The following GBP6 variants were observed in gnomAD, a reference collection of about 807,000 sequenced individuals.
The protein encoded by GBP6 is guanylate binding protein family member 6, also known as guanylate-binding protein 6.
A neutral mutation model predicts 61.5 loss-of-function variants in GBP6; 54 were observed. The observed-to-expected ratio is 0.88, with a 90% CI of 0.71 to 1.10. The LOEUF (loss-of-function observed/expected upper bound fraction) is 1.10. Ranked by LOEUF, GBP6 falls within the 50% of genes least tolerant of loss-of-function variation. The pLI is 0.00. For missense variants in GBP6, 748 were observed against 752.8 expected (o/e 0.99, Z 0.07); for synonymous variants, 255 against 273.7 (o/e 0.93, Z 0.67).
intron 1 of GBP6, among the ~76,000 whole-genome samples, chr1:89,366,352 G>T (rs1269267113): frequency 6.6e-6 from 1 of 152,116 alleles, no homozygotes; most frequent in African/African-American, 2.4e-5. Context: ...GAATTCTTTA[G>T]ATTCTGGACA....
At position 89,388,045 on chromosome 1, in the gene GBP6, G is replaced by A. The variant is rs1014411838; in HGVS notation, c.*2576G>A. ...TGTCCTACAGTCTCTGTGAAACTGG[G>A]CCAAAGATAGAATTTTTTTTTCTGT... On this transcript the variant is annotated 3_prime_UTR_variant, in exon 11 of 11. Coordinates refer to ENST00000370456, the MANE Select transcript of GBP6 (RefSeq NM_198460.3). 6.6e-6 allele frequency among the ~76,000 whole-genome samples: 1 copy of A among 152,140 alleles called. No individual in the cohort carries two copies. Among genetic ancestry groups the A allele is most frequent in the Non-Finnish European group, 1.5e-5 (1 of 68,026 alleles).
intron 3 of GBP6, among the ~76,000 whole-genome samples, chr1:89,377,412 C>A (rs1652836950): frequency 2.6e-5 from 4 of 152,128 alleles, no homozygotes; most frequent in South Asian, 2.1e-4. Flanking sequence ...TTTTAACATT[C>A]AGCTCGTGAC....
rs1005746559 is a variant in GBP6, at chr1:89,386,333, C to T, written c.*864C>T. On this transcript the variant is annotated 3_prime_UTR_variant, in exon 11 of 11. Coordinates refer to ENST00000370456, the MANE Select transcript of GBP6 (RefSeq NM_198460.3). Reference sequence around the variant, plus strand: ...AGTGAATGTAGGGGTTGAAGGAACACATACTCTTCACTTTATACTCTTGAA... The same window carrying T: ...AGTGAATGTAGGGGTTGAAGGAACATATACTCTTCACTTTATACTCTTGAA... 2 of 152,172 alleles carry T rather than the reference C, an allele frequency of 1.3e-5. No individual in the cohort carries two copies. 9.4% of individuals were successfully genotyped at this position (152,172 alleles called of 1,614,324 possible).
Position 89,365,743 on chromosome 1 carries a change from C to T in GBP6, c.-24+1616C>T, listed in dbSNP as rs115389882. On this transcript the variant is annotated intron_variant, in intron 1 of 10. Coordinates refer to ENST00000370456, the MANE Select transcript of GBP6 (RefSeq NM_198460.3). Reference sequence around the variant, plus strand: ...TGTCTCGTTTTATTATCAAAACACCCTCCAGGTTGGATGTATGATTTAACT... The same window carrying T: ...TGTCTCGTTTTATTATCAAAACACCTTCCAGGTTGGATGTATGATTTAACT... Among the ~76,000 whole-genome samples the T allele has an allele frequency of 1.5e-3, 224 of 152,248 alleles. 1 individual carries two copies. Among genetic ancestry groups the T allele is most frequent in the African/African-American group, 5.3e-3 (220 of 41,544 alleles).
intron 2 of GBP6, among the ~76,000 whole-genome samples, chr1:89,368,968 C>A (rs895344700): frequency 6.6e-6 from 1 of 152,186 alleles, no homozygotes; most frequent in East Asian, 1.9e-4. Context: ...CAGAATCCTA[C>A]CTTCCCTTGT....
At chr1:89,378,828 G>A (rs932813489) in intron 5 of GBP6, among the ~76,000 whole-genome samples, 3 of 152,178 alleles carry the variant, frequency 2.0e-5, no homozygotes, top group African/African-American at 7.2e-5. Context: ...AGACAGATTT[G>A]TTCTTTGTAC....
intron 3 of GBP6, among the ~76,000 whole-genome samples, chr1:89,370,727 G>C (rs1033843366): frequency 1.3e-5 from 2 of 152,000 alleles, no homozygotes; most frequent in African/African-American, 4.8e-5. Context: ...TTAATGTTTT[G>C]GTATGTGTAT....
At chr1:89,364,624 T>C (rs868532377) in intron 1 of GBP6, among the ~76,000 whole-genome samples, 36 of 120,680 alleles carry the variant, frequency 3.0e-4, no homozygotes, top group African/African-American at 1.1e-3. Flanking sequence ...ACTCTGTGTG[T>C]GCGTGTGTGT....
At chr1:89,384,556 T>A (rs6662763) in intron 10 of GBP6, among the ~76,000 whole-genome samples, 100,965 of 152,040 alleles carry the variant, frequency 0.66, 34,883 homozygotes, top group Non-Finnish European at 0.77. Flanking sequence ...GAAGCTGCTG[T>A]TTTGGGAGAT....
chr1:89,381,810 G>A lies in GBP6; in HGVS notation c.988G>A (p.Ala330Thr), dbSNP rs914928167. 2 of 1,613,944 alleles carry A rather than the reference G, an allele frequency of 1.2e-6. No homozygotes were observed. Among genetic ancestry groups the A allele is most frequent in the Admixed American group, 1.7e-5 (1 of 59,990 alleles). Residue 330 changes from alanine to threonine, a missense_variant, in exon 7 of 11, where the codon GCA (alanine) becomes ACA (threonine). Coordinates refer to ENST00000370456, the MANE Select transcript of GBP6 (RefSeq NM_198460.3). ...QRENSAAVQR[A>T]ADYYSQQMAQ... ...TGAGAACTCAGCGGCCGTGCAGAGG[G>A]CAGCTGACTACTACAGCCAGCAGAT...
At position 89,371,207 on chromosome 1, in the gene GBP6, T is replaced by C. The variant is rs1652628554; in HGVS notation, c.318+1534T>C. Among the ~76,000 whole-genome samples the C allele has an allele frequency of 3.3e-5, 5 of 152,322 alleles. No individual in the cohort carries two copies. The South Asian group carries it at 1.0e-3, about 32-fold the overall frequency. ...TGAGATTGAATATATATAGACGGATTCGCAGCTGAATTCTACCAGAGGTAC... is the reference window on the plus strand; with the variant it reads ...TGAGATTGAATATATATAGACGGATCCGCAGCTGAATTCTACCAGAGGTAC... On this transcript the variant is annotated intron_variant, in intron 3 of 10. Coordinates refer to ENST00000370456, the MANE Select transcript of GBP6 (RefSeq NM_198460.3).
intron 6 of GBP6, 25 bp from the exon 7 acceptor site, chr1:89,381,669 C>A: frequency 6.4e-7 from 1 of 1,572,954 alleles, no homozygotes; most frequent in Non-Finnish European, 8.6e-7. Flanking sequence ...TCATATTTAG[C>A]CCCTAAATCT....
rs773573942 is a variant in GBP6 at position 89,378,122 on chromosome 1, C to T, written c.338C>T (p.Ser113Phe). ...DVEKGDPKNDSWIFALAVLLC... is the reference protein window; with the variant it reads ...DVEKGDPKNDFWIFALAVLLC... ...TTTTAGGGTGACCCTAAGAATGACT[C>T]CTGGATCTTTGCCCTGGCTGTGCTC... Residue 113 changes from serine to phenylalanine, a missense_variant, in exon 4 of 11, where the codon TCC becomes TTC. Ser to Phe is a radical substitution (Grantham distance 155). Transcript: ENST00000370456. 2 of 1,613,054 alleles carry T rather than the reference C, an allele frequency of 1.2e-6. No individual in the cohort carries two copies. Among genetic ancestry groups the T allele is most frequent in the Non-Finnish European group, 1.7e-6 (2 of 1,179,756 alleles).
At chr1:89,367,352 AT>A (rs1652492940) in intron 1 of GBP6, among the ~76,000 whole-genome samples, 1 of 152,164 alleles carries the variant, frequency 6.6e-6, no homozygotes, top group African/African-American at 2.4e-5. Flanking sequence ...TTTAAAAAAA[AT>A]AACAGTCCTA....
At chr1:89,381,260 G>A (rs566545497) in intron 6 of GBP6, among the ~76,000 whole-genome samples, 1 of 141,810 alleles carries the variant, frequency 7.1e-6, no homozygotes, top group South Asian at 2.3e-4. Context: ...ACTCCAGCCT[G>A]GGCCTCAAAA....
In GBP6 at chr1:89,375,803, G is replaced by A. The variant is rs560460498; in HGVS notation, c.319-2300G>A. Among the ~76,000 whole-genome samples, 21 of 151,520 alleles carry A rather than the reference G, an allele frequency of 1.4e-4. No homozygotes were observed. The South Asian group carries it at 3.9e-3, about 28-fold the overall frequency. ...TTTTGCTTTTGTCACCTGTGCTTTC[G>A]GTGTCATATCCAAAAACATCATTGC... On this transcript the variant is annotated intron_variant, in intron 3 of 10. Transcript: ENST00000370456.
intron 7 of GBP6, 71 bp from the exon 8 acceptor site, chr1:89,382,593 C>A: frequency 7.9e-7 from 1 of 1,261,912 alleles, no homozygotes; most frequent in Non-Finnish European, 1.2e-6. Flanking sequence ...ATTGACTCTA[C>A]CACCAGATTC....
In GBP6 at chr1:89,374,483, T is replaced by G. The variant is rs557914544; in HGVS notation, c.319-3620T>G. 2.0e-5 allele frequency among the ~76,000 whole-genome samples: 3 copies of G among 152,294 alleles called. No homozygotes were observed. The South Asian group carries it at 6.2e-4, about 32-fold the overall frequency. On this transcript the variant is annotated intron_variant, in intron 3 of 10. Coordinates refer to ENST00000370456, the MANE Select transcript of GBP6 (RefSeq NM_198460.3). ...TTGTTGGATCACATGGTAGTTCTAT[T>G]TTTAATTTTTTGAGGGACCTCCATA...
chr1:89,383,910 C>T (rs1405168816), intron 9 of GBP6, among the ~76,000 whole-genome samples, 156 bp downstream of exon 9: 1 of 152,224 alleles, frequency 6.6e-6, no homozygotes, highest in Non-Finnish European at 1.5e-5. Flanking sequence ...TATGATTGTA[C>T]ATCAGCCAGA....
Sources: gnomAD v4.1 joint callset for allele counts (sites outside exome capture counted in the v4.1 genomes callset) on GRCh38, gnomAD v4.1.1 for gene constraint, MANE v1.5 for transcripts, NCBI Gene and HGNC (gene_info 2026-07-23, HGNC 2026-07-21) for gene names.